The following KHDC4 variants were observed in gnomAD, a reference collection of about 807,000 sequenced individuals.
The protein encoded by KHDC4 is KH domain containing 4, pre-mRNA splicing factor.
Under a neutral mutation model 74.5 loss-of-function variants are expected in KHDC4, and 19 were observed. The ratio of observed to expected loss-of-function variants is 0.26; its 90% CI spans 0.18 to 0.37. The LOEUF (loss-of-function observed/expected upper bound fraction) is 0.37, where lower values mean the gene tolerates loss of function less well. KHDC4 is among the 10% of genes least tolerant of loss of function. KHDC4 has a pLI of 1.00. For synonymous variants in KHDC4, 253 were observed against 266.1 expected, an observed-to-expected ratio of 0.95 and a Z score of 0.48; for missense variants, 632 against 754.1, an observed-to-expected ratio of 0.84 and a Z score of 1.90.
intron 8 of KHDC4, among the ~76,000 whole-genome samples, chr1:155,923,153 C>T (rs1418341561): frequency 6.7e-6 from 1 of 149,000 alleles, no homozygotes; most frequent in Non-Finnish European, 1.5e-5. Context: ...TGCAGTGAGC[C>T]GAGATCCCGC....
At chr1:155,916,348 T>C (rs1184911760) in intron 12 of KHDC4, among the ~76,000 whole-genome samples, 9 of 152,348 alleles carry the variant, frequency 5.9e-5, no homozygotes, top group Admixed American at 3.3e-4. Flanking sequence ...TGTTACTGTC[T>C]ACCCTTAGGA....
intron 2 of KHDC4, 146 bp from the exon 3 acceptor site, chr1:155,929,986 C>G: frequency 2.7e-6 from 1 of 370,324 alleles, no homozygotes; most frequent in Non-Finnish European, 4.3e-6. Context: ...GATCTCAGCT[C>G]ACTGCAACTT....
At chr1:155,920,973 T>TA (rs1673850065) in intron 10 of KHDC4, among the ~76,000 whole-genome samples, 2 of 152,184 alleles carry the variant, frequency 1.3e-5, no homozygotes, top group Non-Finnish European at 2.9e-5. Context: ...GTTTTGTAAA[T>TA]AAAGTTCTAC....
chr1:155,914,124 G>C lies in KHDC4; in HGVS notation c.1842C>G (p.Pro614=), dbSNP rs1673682494. 1 of 1,613,080 alleles carries C rather than the reference G, an allele frequency of 6.2e-7. No individual in the cohort carries two copies. The highest frequency in any genetic ancestry group is 8.5e-7 in the Non-Finnish European group (1 of 1,179,106). ...CAAAACTCTGTTCCACTGTTTCCTA[G>C]GGAGCCATCCAGAATGGCATCTGTT... is the stretch of plus-strand genomic sequence containing the variant. ...AKQQMPFWMA[P] The change falls in exon 14 of 14, where the codon CCC becomes CCG. Residue 614 remains proline (P), a synonymous_variant. Coordinates refer to ENST00000368321, the MANE Select transcript of KHDC4 (RefSeq NM_014949.4).
At chr1:155,921,287 G>T in intron 10 of KHDC4, 88 bp downstream of exon 10, 1 of 1,444,846 alleles carries the variant, frequency 6.9e-7, no homozygotes, top group Non-Finnish European at 9.6e-7. Context: ...CACATCACAT[G>T]ATTTATTTCT....
chr1:155,923,743 A>C (rs1455647376), intron 7 of KHDC4, 56 bp from the exon 8 acceptor site: 1 of 1,326,882 alleles, frequency 7.5e-7, no homozygotes, highest in African/African-American at 1.4e-5. Context: ...AAGATGCAGA[A>C]TTCTGCTTTC....
intron 7 of KHDC4, 93 bp downstream of exon 7, chr1:155,925,539 A>T: frequency 1.1e-6 from 1 of 895,922 alleles, no homozygotes; most frequent in Non-Finnish European, 1.8e-6. Context: ...ACTATTAATT[A>T]CACCCAGTTT....
chr1:155,931,307 AAGAC>A (rs1428275941), intron 2 of KHDC4, among the ~76,000 whole-genome samples: 1 of 150,718 alleles, frequency 6.6e-6, no homozygotes, highest in East Asian at 1.9e-4. Flanking sequence ...AAAAAAAAAA[AAGAC>A]AGAAAGACAG....
chr1:155,926,937 T>C, intron 5 of KHDC4, 98 bp from the exon 6 acceptor site: 2 of 1,413,868 alleles, frequency 1.4e-6, no homozygotes, highest in Non-Finnish European at 2.0e-6. Context: ...CTTTATACGT[T>C]ACCCAAATAT....
At position 155,917,658 on chromosome 1, in the gene KHDC4, ACCAC is replaced by A; in HGVS notation, c.1277_1280del (p.Gly426ValfsTer60). ...TGACAGGAGCAGCAGGAATAAAAGG[ACCAC>A]CCATCGGACTCTGGGACCAAAACAA... On this transcript the variant is annotated frameshift_variant, in exon 11 of 14. Coordinates refer to ENST00000368321, the MANE Select transcript of KHDC4 (RefSeq NM_014949.4). LOFTEE classifies it high-confidence loss of function. The A allele has an allele frequency of 6.4e-7, 1 of 1,564,066 alleles. No individual in the cohort carries two copies. Among genetic ancestry groups the A allele is most frequent in the Non-Finnish European group, 8.6e-7 (1 of 1,159,292 alleles).
intron 10 of KHDC4, among the ~76,000 whole-genome samples, chr1:155,919,213 C>A (rs1483370098): frequency 1.3e-5 from 2 of 151,900 alleles, no homozygotes; most frequent in Non-Finnish European, 1.5e-5. Flanking sequence ...AGTGATCCAC[C>A]CGCCCCAACC....
At chr1:155,916,939 T>C (rs903352008) in intron 11 of KHDC4, 1 of 444,584 alleles carries the variant, frequency 2.2e-6, no homozygotes, top group Non-Finnish European at 4.0e-6. Context: ...GACAGGGGTG[T>C]TATAATTCAT....
At chr1:155,921,979 C>T (rs1398716184) in intron 8 of KHDC4, 61 bp from the exon 9 acceptor site, 1 of 1,010,906 alleles carries the variant, frequency 9.9e-7, no homozygotes, top group Non-Finnish European at 1.5e-6. Context: ...TTACAAGGGT[C>T]TGATTACATA....
rs1271746061 is a variant in KHDC4, at chr1:155,923,668, G to A, written c.913C>T (p.Leu305=). 2 of 1,613,790 alleles carry A rather than the reference G, an allele frequency of 1.2e-6. No individual in the cohort carries two copies. Among genetic ancestry groups the A allele is most frequent in the South Asian group, 1.1e-5 (1 of 91,068 alleles). The change falls in exon 8 of 14, where the codon CTG becomes TTG. Residue 305 remains leucine, a synonymous_variant. Coordinates refer to ENST00000368321, the MANE Select transcript of KHDC4 (RefSeq NM_014949.4). Reference sequence around the variant, plus strand: ...TCACAAAGCTTCTTGGCAGCAGCCAGGCCTTCTGGTTTGGGGTGACTGCAA... The same window carrying A: ...TCACAAAGCTTCTTGGCAGCAGCCAAGCCTTCTGGTTTGGGGTGACTGCAA... ...IYISHPKPEG[L]AAAKKLCENL...
rs1368934515 is a variant in KHDC4, at chr1:155,914,461, C to T, written c.1646-141G>A. ...TTTGAGGTCACAGGGTCAATGGTCA[C>T]CCAAAAACGTTGAAGATCACACGAA... is the stretch of plus-strand genomic sequence containing the variant. On this transcript the variant is annotated intron_variant, in intron 13 of 13. Coordinates refer to ENST00000368321, the MANE Select transcript of KHDC4 (RefSeq NM_014949.4). 4 of 654,666 alleles carry T rather than the reference C, an allele frequency of 6.1e-6. No individual in the cohort carries two copies. In the East Asian group the frequency reaches 1.1e-4, roughly 18 times the overall value. The allele number at this position is 654,666 out of a possible 1,614,324, so 40.6% of individuals were successfully genotyped here. A position where few individuals can be genotyped will look rare whatever the true frequency, so the allele number is the denominator to read the frequency against.
In KHDC4 at chr1:155,915,856, A is replaced by C. The variant is rs767080161; in HGVS notation, c.1645+17T>G. ...GTCTTAGCCACTCCCCTGTTCCCCC[A>C]GCTATATCACACTCACCATGGCTCC... On this transcript the variant is annotated intron_variant, in intron 13 of 13. Transcript: ENST00000368321. The C allele has an allele frequency of 4.4e-5, 67 of 1,513,172 alleles. No individual in the cohort carries two copies. Among genetic ancestry groups the C allele is most frequent in the Non-Finnish European group, 6.0e-5 (66 of 1,101,586 alleles). 93.7% of individuals were successfully genotyped at this position (1,513,172 alleles called of 1,614,324 possible). A position where few individuals can be genotyped will look rare whatever the true frequency, so the allele number is the denominator to read the frequency against.
chr1:155,932,221 G>A (rs1309943998), intron 2 of KHDC4: 2 of 152,134 alleles, frequency 1.3e-5, no homozygotes, highest in Non-Finnish European at 2.9e-5. Flanking sequence ...CCTAGGCTCA[G>A]GTGATCTTTC....
chr1:155,914,566 A>AC, intron 13 of KHDC4: 1 of 422,154 alleles, frequency 2.4e-6, no homozygotes. Context: ...ACACAAAAAA[A>AC]GAAAAAAAAA....
chr1:155,913,558 C>G lies in KHDC4; in HGVS notation c.*563G>C, dbSNP rs1673673108. The G allele has an allele frequency of 6.6e-6, 1 of 152,458 alleles. No individual in the cohort carries two copies. Among genetic ancestry groups the G allele is most frequent in the Non-Finnish European group, 1.5e-5 (1 of 68,142 alleles). The allele number at this position is 152,458 out of a possible 1,614,324, so 9.4% of individuals were successfully genotyped here. A position where few individuals can be genotyped will look rare whatever the true frequency, so the allele number is the denominator to read the frequency against. ...TGAAAAAATAATTTCATTTTCCTATCCAGGATCCAGCTATATCCAACAGTT... is the reference window on the plus strand; with the variant it reads ...TGAAAAAATAATTTCATTTTCCTATGCAGGATCCAGCTATATCCAACAGTT... On this transcript the variant is annotated 3_prime_UTR_variant, in exon 14 of 14. Transcript: ENST00000368321.
Sources: allele counts gnomAD v4.1 joint callset (sites outside exome capture counted in the v4.1 genomes callset), GRCh38; gene constraint gnomAD v4.1.1; transcripts MANE v1.5; gene names NCBI Gene and HGNC (gene_info 2026-07-23, HGNC 2026-07-21).